STPG2: variants seen among roughly 807,000 people sequenced by gnomAD.
STPG2 encodes the protein sperm tail PG-rich repeat containing 2.
In STPG2, 56 loss-of-function variants were observed where a neutral mutation model predicts 54.2. The observed-to-expected ratio is 1.03, with a 90% CI of 0.83 to 1.29. The LOEUF is 1.29. Among genes scored for constraint, STPG2 ranks in the 50% most tolerant of loss-of-function variants. The pLI is 0.00. For missense variants in STPG2, 596 were observed against 544.9 expected (o/e 1.09, Z -0.93); for synonymous variants, 200 against 181.8 (o/e 1.10, Z -0.81).
intron 8 of STPG2, among the ~76,000 whole-genome samples, chr4:97,867,269 A>T (rs138069686): frequency 6.6e-6 from 1 of 151,854 alleles, no homozygotes; most frequent in Admixed American, 6.6e-5. Context: ...CTGTCTCATT[A>T]TGCTGCATCT....
rs974220757 is a variant in STPG2 at position 97,818,709 on chromosome 4, C to T, written c.1204+22064G>A. Among the ~76,000 whole-genome samples, 5 of 151,776 alleles carry T rather than the reference C, an allele frequency of 3.3e-5. No homozygotes were observed. In the South Asian group the frequency reaches 1.0e-3, roughly 31 times the overall value. ...TCTAAAATACCACTTCATCAGTTTT[C>T]TCCTCCCCACTCCACCCTGCATATT... On this transcript the variant is annotated intron_variant, in intron 9 of 10. Transcript: ENST00000295268.
chr4:97,865,608 A>G (rs1484266363), intron 8 of STPG2, among the ~76,000 whole-genome samples: 4 of 152,004 alleles, frequency 2.6e-5, no homozygotes, highest in African/African-American at 2.4e-5. Context: ...AGGACAAAAA[A>G]CCAAACACCA....
chr4:98,070,094 G>A (rs1456596578), intron 5 of STPG2, among the ~76,000 whole-genome samples: 3 of 151,942 alleles, frequency 2.0e-5, no homozygotes, highest in African/African-American at 7.2e-5. Context: ...TATTCTTGAT[G>A]AACATCAATG....
At chr4:97,970,723 G>A (rs1034177896) in intron 7 of STPG2, among the ~76,000 whole-genome samples, 2 of 152,130 alleles carry the variant, frequency 1.3e-5, no homozygotes, top group Non-Finnish European at 2.9e-5. Flanking sequence ...GAAAACCTAG[G>A]CAATACCATT....
intron 4 of STPG2, among the ~76,000 whole-genome samples, chr4:97,450,320 A>G (rs1038862230): frequency 6.6e-6 from 1 of 152,168 alleles, no homozygotes; most frequent in African/African-American, 2.4e-5. Flanking sequence ...ACTATATATC[A>G]GGCACTCTAC....
At chr4:97,785,291 C>A (rs1456653457) in intron 9 of STPG2, among the ~76,000 whole-genome samples, 2 of 151,924 alleles carry the variant, frequency 1.3e-5, no homozygotes, top group Non-Finnish European at 2.9e-5. Context: ...AATGCAATAA[C>A]AATTCCAAGT....
chr4:97,893,981 G>C (rs563991065), intron 8 of STPG2, among the ~76,000 whole-genome samples: 2 of 152,028 alleles, frequency 1.3e-5, no homozygotes, highest in East Asian at 3.9e-4. Context: ...TGTAAGAGAG[G>C]AAAATTAAAA....
At position 97,943,893 on chromosome 4, in the gene STPG2, T is replaced by C; in HGVS notation, c.1044+4A>G. 2 of 1,541,052 alleles carry C rather than the reference T, an allele frequency of 1.3e-6. No homozygotes were observed. The highest frequency in any genetic ancestry group is 1.7e-6 in the Non-Finnish European group (2 of 1,144,678). On this transcript the variant is annotated splice_donor_region_variant and intron_variant, in intron 8 of 10. Transcript: ENST00000295268. ...AAAATATTTGATTGTAGGAGTATTC[T>C]TACCATATCTGGTACTTTCATAGTT...
At chr4:97,841,790 G>A (rs1178438746) in intron 8 of STPG2, among the ~76,000 whole-genome samples, 1 of 151,648 alleles carries the variant, frequency 6.6e-6, no homozygotes, top group Non-Finnish European at 1.5e-5. Context: ...CTGTGTTCCT[G>A]AGTTTTTGCA....
At chr4:97,521,654 A>T (rs1052716299) in intron 4 of STPG2, among the ~76,000 whole-genome samples, 12 of 152,116 alleles carry the variant, frequency 7.9e-5, no homozygotes, top group African/African-American at 2.9e-4. Context: ...TAAGAATCTC[A>T]TCTTCAACAG....
downstream of STPG2, among the ~76,000 whole-genome samples, chr4:97,557,260 C>T (rs1010167797): frequency 9.9e-5 from 15 of 152,116 alleles, no homozygotes; most frequent in Non-Finnish European, 1.8e-4. Flanking sequence ...GATACAGTTA[C>T]TCATTTAGAA....
intron 9 of STPG2, among the ~76,000 whole-genome samples, chr4:97,720,899 A>G (rs555776100): frequency 6.6e-6 from 1 of 152,044 alleles, no homozygotes; most frequent in East Asian, 1.9e-4. Context: ...TCTAGAATCC[A>G]ATAGCACTAC....
chr4:97,930,498 C>T (rs1255293936), intron 8 of STPG2, among the ~76,000 whole-genome samples: 1 of 151,956 alleles, frequency 6.6e-6, no homozygotes, highest in Non-Finnish European at 1.5e-5. Context: ...GATGTATGGC[C>T]CTCATGTCTG....
intron 4 of STPG2, among the ~76,000 whole-genome samples, chr4:97,509,767 A>G (rs1240767395): frequency 6.6e-6 from 1 of 152,096 alleles, no homozygotes; most frequent in Non-Finnish European, 1.5e-5. Context: ...GAAGGGGAAA[A>G]ATAGTGGTTT....
intron 4 of STPG2, among the ~76,000 whole-genome samples, chr4:97,445,286 C>T (rs542665164): frequency 1.8e-4 from 28 of 152,098 alleles, no homozygotes; most frequent in Admixed American, 2.6e-4. Flanking sequence ...ATTTGTGAGA[C>T]GAAATTAAAA....
intron 5 of STPG2, among the ~76,000 whole-genome samples, chr4:98,081,724 G>T (rs1040403918): frequency 6.6e-6 from 1 of 152,186 alleles, no homozygotes; most frequent in African/African-American, 2.4e-5. Context: ...TTAAAAGTCA[G>T]TATTTTCAAT....
At chr4:97,782,131 G>C in intron 9 of STPG2, among the ~76,000 whole-genome samples, 1 of 152,160 alleles carries the variant, frequency 6.6e-6, no homozygotes, top group East Asian at 1.9e-4. Flanking sequence ...AGGAAAAGAG[G>C]AAGTCAAATT....
intron 5 of STPG2, among the ~76,000 whole-genome samples, chr4:98,005,621 A>G (rs968160265): frequency 6.6e-6 from 1 of 152,142 alleles, no homozygotes; most frequent in Admixed American, 6.6e-5. Flanking sequence ...TTATGCATCT[A>G]TTGAGATACT....
At chr4:97,952,947 A>C (rs1180700369) in intron 7 of STPG2, among the ~76,000 whole-genome samples, 3 of 152,134 alleles carry the variant, frequency 2.0e-5, no homozygotes, top group Non-Finnish European at 4.4e-5. Flanking sequence ...TGGTGCTTGC[A>C]AAAGAGTCTC....
Sources: allele counts gnomAD v4.1 joint callset (sites outside exome capture counted in the v4.1 genomes callset), GRCh38; gene constraint gnomAD v4.1.1; transcripts MANE v1.5; gene names NCBI Gene and HGNC (gene_info 2026-07-23, HGNC 2026-07-21).